The following SEL1L2 variants were observed in gnomAD, a reference collection of about 807,000 sequenced individuals.
SEL1L2 encodes the protein SEL1L2 adaptor subunit of SYVN1 ubiquitin ligase.
A neutral mutation model predicts 98.8 loss-of-function variants in SEL1L2; 89 were observed. That is an observed-to-expected ratio of 0.90 (90% CI 0.76 to 1.07). The LOEUF (loss-of-function observed/expected upper bound fraction) is 1.07. SEL1L2 is among the 50% of genes least tolerant of loss of function. SEL1L2 has a pLI of 0.00. For missense variants in SEL1L2, 788 were observed against 812.0 expected (o/e 0.97, Z 0.36); for synonymous variants, 262 against 278.5 (o/e 0.94, Z 0.59).
chr20:13,940,091 A>G (rs2049685204), intron 2 of SEL1L2, among the ~76,000 whole-genome samples: 1 of 152,270 alleles, frequency 6.6e-6, no homozygotes, highest in African/African-American at 2.4e-5. Context: ...TTCTGATCAT[A>G]TGGAGCTTCC....
intron 1 of SEL1L2, among the ~76,000 whole-genome samples, chr20:13,989,918 G>A (rs2052458851): frequency 6.6e-6 from 1 of 151,904 alleles, no homozygotes; most frequent in Non-Finnish European, 1.5e-5. Context: ...TTCTTAAATT[G>A]AATTTATCAT....
Position 13,918,525 on chromosome 20 carries a change from ATC to A in SEL1L2, c.386+494_386+495del, listed in dbSNP as rs142513043. 7.7e-3 allele frequency among the ~76,000 whole-genome samples: 1,172 copies of A among 152,320 alleles called. 14 individuals are homozygous for A. The highest frequency in any genetic ancestry group is 0.027 in the African/African-American group (1,114 of 41,572). ...GCTCACCTCACTTTAACATCTTTGA[ATC>A]TCTGTTTCCAACTTCTTAAAGGAGA... On this transcript the variant is annotated intron_variant, in intron 4 of 19. Coordinates refer to ENST00000284951, the MANE Select transcript of SEL1L2 (RefSeq NM_025229.2).
intron 3 of SEL1L2, among the ~76,000 whole-genome samples, chr20:13,929,296 C>T (rs1461393111): frequency 6.6e-6 from 1 of 151,926 alleles, no homozygotes; most frequent in Non-Finnish European, 1.5e-5. Context: ...ACCCTGACCA[C>T]TACACTGACT....
intron 1 of SEL1L2, among the ~76,000 whole-genome samples, chr20:13,965,293 C>CGAG (rs1266861692): frequency 6.6e-6 from 1 of 152,150 alleles, no homozygotes; most frequent in Non-Finnish European, 1.5e-5. Flanking sequence ...AACCTGGCAA[C>CGAG]GAGGATGATT....
intron 2 of SEL1L2, among the ~76,000 whole-genome samples, chr20:13,943,576 T>C (rs2049879783): frequency 6.6e-6 from 1 of 151,976 alleles, no homozygotes; most frequent in South Asian, 2.1e-4. Flanking sequence ...CAAGGATTGC[T>C]AAATGACATT....
intron 1 of SEL1L2, among the ~76,000 whole-genome samples, chr20:13,978,578 G>A (rs112275883): frequency 4.6e-5 from 7 of 152,012 alleles, no homozygotes; most frequent in Non-Finnish European, 1.0e-4. Context: ...CAAAGAAAAG[G>A]AAATCAGTAT....
chr20:13,908,063 A>G (rs1484609864), intron 5 of SEL1L2, among the ~76,000 whole-genome samples: 2 of 135,258 alleles, frequency 1.5e-5, no homozygotes, highest in Non-Finnish European at 3.2e-5. Context: ...TAGGATTACA[A>G]GGCAGGAGCC....
At chr20:13,971,755 A>G (rs1229886821) in intron 1 of SEL1L2, among the ~76,000 whole-genome samples, 1 of 152,068 alleles carries the variant, frequency 6.6e-6, no homozygotes, top group Non-Finnish European at 1.5e-5. Flanking sequence ...TTTTTAATCC[A>G]TCTGGATCAT....
At chr20:13,944,382 T>A (rs2049917012) in intron 2 of SEL1L2, among the ~76,000 whole-genome samples, 1 of 151,876 alleles carries the variant, frequency 6.6e-6, no homozygotes, top group African/African-American at 2.4e-5. Context: ...AGAGTCCAGA[T>A]GGGTGAGCTG....
intron 10 of SEL1L2, among the ~76,000 whole-genome samples, chr20:13,884,953 G>T (rs141995935): frequency 6.6e-6 from 1 of 152,266 alleles, no homozygotes; most frequent in Non-Finnish European, 1.5e-5. Context: ...TGGGGATGAA[G>T]TTGCCTCTCA....
intron 5 of SEL1L2, among the ~76,000 whole-genome samples, chr20:13,891,143 AT>A (rs1258296300): frequency 1.3e-5 from 2 of 152,220 alleles, no homozygotes; most frequent in East Asian, 3.9e-4. Flanking sequence ...GGAAATAGGC[AT>A]CTAAATTCAA....
chr20:13,973,083 G>A (rs1034858984), intron 1 of SEL1L2, among the ~76,000 whole-genome samples: 14 of 152,094 alleles, frequency 9.2e-5, no homozygotes, highest in African/African-American at 3.4e-4. Context: ...CTGTCTGTTT[G>A]TATTATGATG....
intron 3 of SEL1L2, among the ~76,000 whole-genome samples, chr20:13,929,747 G>A (rs1179085716): frequency 1.3e-5 from 2 of 150,846 alleles, no homozygotes; most frequent in African/African-American, 2.4e-5. Context: ...TGATCCTCCC[G>A]CCTTGGCCTC....
rs77361053 is a variant in SEL1L2 at position 13,874,106 on chromosome 20, A to C, written c.1104+1932T>G. On this transcript the variant is annotated intron_variant, in intron 12 of 19. Transcript: ENST00000284951. ...GGAAGGGGAGGCAGATGACAAAAGT[A>C]TGGAGATGGGGACGGGCCTGACATG... Among the ~76,000 whole-genome samples, 182 of 152,292 alleles carry C rather than the reference A, an allele frequency of 1.2e-3. 3 individuals are homozygous for C. Among genetic ancestry groups the C allele is most frequent in the African/African-American group, 4.1e-3 (170 of 41,558 alleles).
chr20:13,849,556 G>A lies in SEL1L2; in HGVS notation c.1996C>T (p.His666Tyr). 2 of 1,614,078 alleles carry A rather than the reference G, an allele frequency of 1.2e-6. No individual in the cohort carries two copies. Among genetic ancestry groups the A allele is most frequent in the South Asian group, 1.1e-5 (1 of 91,088 alleles). ...WLKLDNTIGP[H>Y]WDLFVIGLIV... ...AGGCCAATCACAAATAAGTCCCAGT[G>A]TGGTCCAATGGTGTTGTCCAGTTTC... Residue 666 changes from histidine (H) to tyrosine (Y), a missense_variant, in exon 20 of 20, where the codon CAC becomes TAC. By Grantham distance (83) the His-to-Tyr change is moderately conservative. Coordinates refer to ENST00000284951, the MANE Select transcript of SEL1L2 (RefSeq NM_025229.2).
At chr20:13,969,307 CCT>C (rs1297545430) in intron 1 of SEL1L2, among the ~76,000 whole-genome samples, 1 of 152,176 alleles carries the variant, frequency 6.6e-6, no homozygotes, top group Non-Finnish European at 1.5e-5. Context: ...ATATTCTGCC[CCT>C]GTCAAGGGGA....
intron 1 of SEL1L2, chr20:13,973,389 C>G (rs915229213): frequency 6.6e-6 from 1 of 152,144 alleles, no homozygotes; most frequent in African/African-American, 2.4e-5. Flanking sequence ...CTGAATTGTT[C>G]AAACTGTAGA....
chr20:13,897,468 A>G (rs1333212878), intron 5 of SEL1L2, among the ~76,000 whole-genome samples: 1 of 152,210 alleles, frequency 6.6e-6, no homozygotes, highest in African/African-American at 2.4e-5. Flanking sequence ...ACAGCAATCT[A>G]TGGAAGTGGA....
At chr20:13,990,433 G>A in intron 1 of SEL1L2, 44 bp downstream of exon 1, 1 of 1,388,696 alleles carries the variant, frequency 7.2e-7, no homozygotes, top group South Asian at 1.2e-5. Flanking sequence ...TTTGAGCAAA[G>A]AGAAGAGACC....
Sources: allele counts gnomAD v4.1 joint callset (sites outside exome capture counted in the v4.1 genomes callset), GRCh38; gene constraint gnomAD v4.1.1; transcripts MANE v1.5; gene names NCBI Gene and HGNC (gene_info 2026-07-23, HGNC 2026-07-21).